The following PRNP variants were observed in gnomAD, a reference collection of about 807,000 sequenced individuals.
The protein encoded by PRNP is prion protein (Kanno blood group).
Under a neutral mutation model 21.3 loss-of-function variants are expected in PRNP, and 15 were observed. The ratio of observed to expected loss-of-function variants is 0.71; its 90% confidence interval spans 0.47 to 1.09. The LOEUF (loss-of-function observed/expected upper bound fraction) is 1.09. Among genes scored for constraint, PRNP ranks in the 50% least tolerant of loss-of-function variants. PRNP has a pLI of 0.00. For synonymous variants in PRNP, 121 were observed against 123.1 expected (o/e 0.98, Z 0.11); for missense variants, 285 against 340.9 (o/e 0.84, Z 1.29).
chr20:4,696,310 G>A (rs1017163746), intron 1 of PRNP, among the ~76,000 whole-genome samples: 12 of 152,152 alleles, frequency 7.9e-5, no homozygotes, highest in Non-Finnish European at 2.9e-5. Flanking sequence ...ACCATCTTCT[G>A]TGTTCTCTGT....
chr20:4,690,815 G>T (rs1325184467), intron 1 of PRNP, among the ~76,000 whole-genome samples: 2 of 152,138 alleles, frequency 1.3e-5, no homozygotes, highest in African/African-American at 4.8e-5. Flanking sequence ...GCAAGTCCTA[G>T]CCAGGACAGT....
chr20:4,687,589 A>AT (rs11477771), intron 1 of PRNP, among the ~76,000 whole-genome samples: 11 of 151,036 alleles, frequency 7.3e-5, no homozygotes, highest in East Asian at 3.9e-4. Context: ...TAGGAAATAG[A>AT]TTTTTTTTTT....
chr20:4,692,910 G>T (rs1601013963), intron 1 of PRNP, among the ~76,000 whole-genome samples: 2 of 152,072 alleles, frequency 1.3e-5, no homozygotes, highest in East Asian at 3.9e-4. Context: ...TATCCCATTG[G>T]CTCTAAACAC....
At chr20:4,694,598 A>T (rs1922049962) in intron 1 of PRNP, among the ~76,000 whole-genome samples, 1 of 152,130 alleles carries the variant, frequency 6.6e-6, no homozygotes, top group South Asian at 2.1e-4. Context: ...ATAACTCTTA[A>T]TTTTATTTAG....
At chr20:4,687,162 C>A (rs1921503140) in intron 1 of PRNP, among the ~76,000 whole-genome samples, 1 of 152,188 alleles carries the variant, frequency 6.6e-6, no homozygotes, top group South Asian at 2.1e-4. Flanking sequence ...TCCTCGCCGC[C>A]TGAGCTTCTC....
In PRNP at chr20:4,686,997, C is replaced by T. The variant is rs1176453273; in HGVS notation, c.-11+485C>T. Among the ~76,000 whole-genome samples, 2 of 151,842 alleles carry T rather than the reference C, an allele frequency of 1.3e-5. No individual in the cohort carries two copies. The highest frequency in any genetic ancestry group is 2.9e-5 in the Non-Finnish European group (2 of 67,936). Reference sequence around the variant, plus strand: ...CGCCCCTCGGAGGCCGAGATCGGGGCCCAGAACGCCCCTTGGCAAGGCCTG... The same window carrying T: ...CGCCCCTCGGAGGCCGAGATCGGGGTCCAGAACGCCCCTTGGCAAGGCCTG... On this transcript the variant is annotated intron_variant, in intron 1 of 1. Transcript: ENST00000379440. The surrounding 1 kb of genome is among the most constrained non-coding windows in gnomAD (Gnocchi z 6.7).
intron 1 of PRNP, among the ~76,000 whole-genome samples, chr20:4,698,343 A>G (rs1405920066): frequency 4.6e-5 from 7 of 152,228 alleles, no homozygotes; most frequent in Non-Finnish European, 1.5e-5. Context: ...TTTTATGAAT[A>G]TTATCCAGTT....
chr20:4,695,875 C>G (rs1328770186), intron 1 of PRNP, among the ~76,000 whole-genome samples: 2 of 152,112 alleles, frequency 1.3e-5, no homozygotes, highest in Non-Finnish European at 2.9e-5. Flanking sequence ...TTTTCTTTTT[C>G]TTGTTTCCCA....
At position 4,700,272 on chromosome 20, in the gene PRNP, T is replaced by C; in HGVS notation, c.*290T>C. 1.2e-6 allele frequency: 1 copy of C among 859,606 alleles called. No homozygotes were observed. The highest frequency in any genetic ancestry group is 3.8e-5 in the East Asian group (1 of 26,400). The allele number at this position is 859,606 out of a possible 1,614,324, so 53.2% of individuals were successfully genotyped here. A position where few individuals can be genotyped will look rare whatever the true frequency, so the allele number is the denominator to read the frequency against. On this transcript the variant is annotated 3_prime_UTR_variant, in exon 2 of 2. Coordinates refer to ENST00000379440, the MANE Select transcript of PRNP (RefSeq NM_000311.5). This position sits in a 1 kb window ranked among gnomAD's most constrained non-coding sequence, Gnocchi z 4.1. ...AATCTGGACTTATTTTTGGACTTAG[T>C]GCAACAGGTTGAGGCTAAAACAAAT...
chr20:4,693,101 G>A (rs1028278335), intron 1 of PRNP, among the ~76,000 whole-genome samples: 2 of 152,102 alleles, frequency 1.3e-5, no homozygotes, highest in African/African-American at 4.8e-5. Context: ...TCCTATTTCA[G>A]TAGATGGCAT....
At position 4,699,491 on chromosome 20, in the gene PRNP, C is replaced by A; in HGVS notation, c.271C>A (p.Gln91Lys). 1 of 1,613,420 alleles carries A rather than the reference C, an allele frequency of 6.2e-7. No homozygotes were observed. Among genetic ancestry groups the A allele is most frequent in the Non-Finnish European group, 8.5e-7 (1 of 1,179,842 alleles). Residue 91 changes from glutamine (Q) to lysine (K), a missense_variant, in exon 2 of 2, where the codon CAA (glutamine) becomes AAA (lysine). Transcript: ENST00000379440. The surrounding 1 kb of genome is among the most constrained non-coding windows in gnomAD (Gnocchi z 5.8). ...ACAGCCTCATGGTGGTGGCTGGGGT[C>A]AAGGAGGTGGCACCCACAGTCAGTG... ...WGQPHGGGWG[Q>K]GGGTHSQWNK...
intron 1 of PRNP, among the ~76,000 whole-genome samples, chr20:4,688,533 C>G (rs953737439): frequency 1.3e-5 from 2 of 152,184 alleles, no homozygotes; most frequent in African/African-American, 4.8e-5. Context: ...TGAGAACTTA[C>G]CTGCAATGGA....
intron 1 of PRNP, among the ~76,000 whole-genome samples, chr20:4,692,162 C>T (rs1405797822): frequency 6.6e-6 from 1 of 152,138 alleles, no homozygotes; most frequent in Non-Finnish European, 1.5e-5. Context: ...GTTTCCCAAA[C>T]AAAAAACATT....
rs1365596780 is a variant in PRNP, at chr20:4,701,412, T to C, written c.*1430T>C. On this transcript the variant is annotated 3_prime_UTR_variant, in exon 2 of 2. Transcript: ENST00000379440. This position sits in a 1 kb window ranked among gnomAD's most constrained non-coding sequence, Gnocchi z 4.2. ...TTTTGCGTGGTCCTTAGGCTTACAATGTGCACTGAATCGTTTCATGTAAGA... is the reference window on the plus strand; with the variant it reads ...TTTTGCGTGGTCCTTAGGCTTACAACGTGCACTGAATCGTTTCATGTAAGA... 6.0e-6 allele frequency: 1 copy of C among 167,124 alleles called. No individual in the cohort carries two copies. Among genetic ancestry groups the C allele is most frequent in the African/African-American group, 2.4e-5 (1 of 41,470 alleles). 10.4% of individuals were successfully genotyped at this position (167,124 alleles called of 1,614,324 possible).
chr20:4,699,878 A>G lies in PRNP; in HGVS notation c.658A>G (p.Arg220Gly). The change falls in exon 2 of 2, where the codon AGG becomes GGG. Residue 220 changes from arginine (R) to glycine (G), a missense_variant. Coordinates refer to ENST00000379440, the MANE Select transcript of PRNP (RefSeq NM_000311.5). The surrounding 1 kb of genome is among the most constrained non-coding windows in gnomAD (Gnocchi z 5.8). ...GCAGATGTGTATCACCCAGTACGAGAGGGAATCTCAGGCCTATTACCAGAG... is the reference window on the plus strand; with the variant it reads ...GCAGATGTGTATCACCCAGTACGAGGGGGAATCTCAGGCCTATTACCAGAG... ...VEQMCITQYE[R>G]ESQAYYQRGS... 6.2e-7 allele frequency: 1 copy of G among 1,613,524 alleles called. No individual in the cohort carries two copies. The highest frequency in any genetic ancestry group is 8.5e-7 in the Non-Finnish European group (1 of 1,179,918).
Position 4,700,017 on chromosome 20 carries a change from T to G in PRNP, c.*35T>G. The G allele has an allele frequency of 6.4e-7, 1 of 1,568,330 alleles. No homozygotes were observed. Among genetic ancestry groups the G allele is most frequent in the Non-Finnish European group, 8.7e-7 (1 of 1,155,984 alleles). Reference sequence around the variant, plus strand: ...TCCTGTTTTCACCATCTTTCTAATCTTTTTCCAGCTTGAGGGAGGCGGTAT... The same window carrying G: ...TCCTGTTTTCACCATCTTTCTAATCGTTTTCCAGCTTGAGGGAGGCGGTAT... On this transcript the variant is annotated 3_prime_UTR_variant, in exon 2 of 2. Transcript: ENST00000379440. The surrounding 1 kb of genome is among the most constrained non-coding windows in gnomAD (Gnocchi z 4.1).
chr20:4,696,221 T>G (rs1363271146), intron 1 of PRNP, among the ~76,000 whole-genome samples: 1 of 152,200 alleles, frequency 6.6e-6, no homozygotes, highest in Admixed American at 6.5e-5. Context: ...CAACTACCAG[T>G]TCATTTAGGA....
intron 1 of PRNP, among the ~76,000 whole-genome samples, chr20:4,692,543 G>A (rs1921899784): frequency 6.6e-6 from 1 of 152,160 alleles, no homozygotes; most frequent in Non-Finnish European, 1.5e-5. Context: ...CTTGGGCTTT[G>A]TGTTTGTGAC....
Position 4,700,168 on chromosome 20 carries a change from A to C in PRNP, c.*186A>C. The C allele has an allele frequency of 6.5e-7, 1 of 1,528,916 alleles. No homozygotes were observed. Among genetic ancestry groups the C allele is most frequent in the Non-Finnish European group, 8.9e-7 (1 of 1,129,042 alleles). 94.7% of individuals were successfully genotyped at this position (1,528,916 alleles called of 1,614,324 possible). ...TAGAGTAGACCTGAGATGCTGGTCA[A>C]GCCCCCTTTGATTGAGTTCATCATG... On this transcript the variant is annotated 3_prime_UTR_variant, in exon 2 of 2. Transcript: ENST00000379440. The surrounding 1 kb of genome is among the most constrained non-coding windows in gnomAD (Gnocchi z 4.1).
Sources: gnomAD v4.1 joint callset for allele counts (sites outside exome capture counted in the v4.1 genomes callset) on GRCh38, gnomAD v4.1.1 for gene constraint, Gnocchi (gnomAD v3.1) non-coding constraint, MANE v1.5 for transcripts, NCBI Gene and HGNC (gene_info 2026-07-23, HGNC 2026-07-21) for gene names.